Variants in OSMR observed in about 807,000 individuals in gnomAD.
OSMR encodes the protein oncostatin-M-specific receptor subunit beta.
OSMR carries 81 observed loss-of-function variants against 99.9 expected under a neutral mutation model. That is an observed-to-expected ratio of 0.81 (90% confidence interval 0.68 to 0.97). The LOEUF (loss-of-function observed/expected upper bound fraction) is 0.97. Ranked by LOEUF, OSMR falls within the 50% of genes least tolerant of loss-of-function variation. The pLI is 0.00. For synonymous variants in OSMR, 406 were observed against 410.4 expected (o/e 0.99, Z 0.13); for missense variants, 1,099 against 1,153.4 (o/e 0.95, Z 0.68).
At chr5:38,926,606 TGC>T (rs1746487376) in intron 15 of OSMR, among the ~76,000 whole-genome samples, 1 of 152,204 alleles carries the variant, frequency 6.6e-6, no homozygotes, top group Non-Finnish European at 1.5e-5. Context: ...TGGGGGTAAC[TGC>T]CACCATGATT....
intron 7 of OSMR, among the ~76,000 whole-genome samples, chr5:38,892,950 T>C (rs1744254475): frequency 6.6e-6 from 1 of 152,158 alleles, no homozygotes. Context: ...GTGCTCACCA[T>C]TGGGGTATTT....
chr5:38,928,781 C>G (rs926440723), intron 15 of OSMR, among the ~76,000 whole-genome samples: 1 of 152,152 alleles, frequency 6.6e-6, no homozygotes, highest in African/African-American at 2.4e-5. Flanking sequence ...TCCAGAACCC[C>G]TTATCTGATT....
intron 2 of OSMR, among the ~76,000 whole-genome samples, chr5:38,874,619 C>G (rs1742659091): frequency 6.6e-6 from 1 of 152,148 alleles, no homozygotes; most frequent in African/African-American, 2.4e-5. Context: ...CACCTGTGTC[C>G]TGACCATGGT....
chr5:38,898,449 A>G (rs1295972575), intron 7 of OSMR, among the ~76,000 whole-genome samples: 2 of 152,198 alleles, frequency 1.3e-5, no homozygotes, highest in Non-Finnish European at 2.9e-5. Context: ...TTGTCATAGA[A>G]TATCTTTCCA....
At chr5:38,917,515 G>T in intron 9 of OSMR, 31 bp from the exon 10 acceptor site, 1 of 1,609,960 alleles carries the variant, frequency 6.2e-7, no homozygotes, top group South Asian at 1.1e-5. Context: ...TACATATTGT[G>T]ACTCAAGAAC....
At chr5:38,871,942 T>A (rs1013633805) in intron 2 of OSMR, among the ~76,000 whole-genome samples, 1 of 151,994 alleles carries the variant, frequency 6.6e-6, no homozygotes, top group Non-Finnish European at 1.5e-5. Flanking sequence ...GTGGGGAAAG[T>A]GGGAGGAGAG....
intron 1 of OSMR, among the ~76,000 whole-genome samples, chr5:38,943,402 C>T (rs1470046176): frequency 6.6e-6 from 1 of 152,160 alleles, no homozygotes; most frequent in African/African-American, 2.4e-5. Context: ...TCAGAATCAG[C>T]TGTGAGTTGG....
At chr5:38,943,077 T>C in intron 1 of OSMR, 2 of 698,762 alleles carry the variant, frequency 2.9e-6, no homozygotes, top group Non-Finnish European at 2.4e-6. Flanking sequence ...AGATATGGAT[T>C]AGATGGCATA....
chr5:38,855,244 C>G (rs13175504), intron 1 of OSMR, among the ~76,000 whole-genome samples: 34,226 of 152,046 alleles, frequency 0.23, 4,089 homozygotes, highest in Admixed American at 0.28. Context: ...GACCTCCTAG[C>G]TTTTCTGTCT....
rs766538045 is a variant in OSMR at position 38,932,972 on chromosome 5, C to T, written c.2468C>T (p.Thr823Ile). Residue 823 changes from threonine to isoleucine, a missense_variant, in exon 18 of 18, where the codon ACT becomes ATT. Transcript: ENST00000274276. ...GGGACAAAGATACAGTTCCTAGGCACTAGGAAGTCACTCACAGAAACCGAG... is the reference window on the plus strand; with the variant it reads ...GGGACAAAGATACAGTTCCTAGGCATTAGGAAGTCACTCACAGAAACCGAG... Reference protein sequence around the residue: ...PEGTKIQFLGTRKSLTETELT... With the variant: ...PEGTKIQFLGIRKSLTETELT... 4 of 1,614,058 alleles carry T rather than the reference C, an allele frequency of 2.5e-6. No homozygotes were observed. The African/African-American group carries it at 4.0e-5, about 16-fold the overall frequency.
At position 38,921,762 on chromosome 5, in the gene OSMR, G is replaced by A. The variant is rs144394280; in HGVS notation, c.1733G>A (p.Gly578Asp). 41,057 of 1,613,908 alleles carry A rather than the reference G, an allele frequency of 0.025. 639 individuals carry two copies. Among genetic ancestry groups the A allele is most frequent in the Non-Finnish European group, 0.03 (35,257 of 1,179,850 alleles). The change falls in exon 12 of 18, where the codon GGT becomes GAT. Residue 578 changes from glycine to aspartate, a missense_variant. Transcript: ENST00000274276. ...GGTGATTTCCAGTGGAAGAATGTAG[G>A]TCCCAATACCACAAGCACAGTCATT... ...VLGDFQWKNV[G>D]PNTTSTVIST...
At chr5:38,846,974 A>G (rs550082637) in intron 1 of OSMR, among the ~76,000 whole-genome samples, 1 of 152,270 alleles carries the variant, frequency 6.6e-6, no homozygotes, top group African/African-American at 2.4e-5. Flanking sequence ...GCATCCGTCC[A>G]TCCATCCTGC....
In OSMR at chr5:38,933,483, T is replaced by C; in HGVS notation, c.*39T>C. On this transcript the variant is annotated 3_prime_UTR_variant, in exon 18 of 18. Coordinates refer to ENST00000274276, the MANE Select transcript of OSMR (RefSeq NM_003999.3). ...TTCATACCTTATGCTACACAGACAT[T>C]AAGAAGAGCAGAGCTGGCACCCTGT... 6.2e-7 allele frequency: 1 copy of C among 1,611,608 alleles called. No homozygotes were observed. The highest frequency in any genetic ancestry group is 1.1e-5 in the South Asian group (1 of 90,998).
chr5:38,894,551 A>T (rs954833244), intron 7 of OSMR, among the ~76,000 whole-genome samples: 1 of 151,056 alleles, frequency 6.6e-6, no homozygotes, highest in African/African-American at 2.4e-5. Context: ...ATATTCTTAT[A>T]TCAGGTAAAA....
In OSMR at chr5:38,932,895, G is replaced by T; in HGVS notation, c.2391G>T (p.Met797Ile). The T allele has an allele frequency of 6.2e-7, 1 of 1,613,848 alleles. No individual in the cohort carries two copies. Among genetic ancestry groups the T allele is most frequent in the South Asian group, 1.1e-5 (1 of 91,058 alleles). Residue 797 changes from methionine to isoleucine, a missense_variant, in exon 18 of 18, where the codon ATG (methionine) becomes ATT (isoleucine). Met to Ile is a conservative substitution (Grantham distance 10). Coordinates refer to ENST00000274276, the MANE Select transcript of OSMR (RefSeq NM_003999.3). Reference sequence around the variant, plus strand: ...AGGAGAACCCTCACCTAATAATAATGAATGTCAGTGACTGTATCCCAGATG... The same window carrying T: ...AGGAGAACCCTCACCTAATAATAATTAATGTCAGTGACTGTATCCCAGATG... The part of the protein sequence containing the change: ...KFKENPHLII[M>I]NVSDCIPDAI...
intron 15 of OSMR, among the ~76,000 whole-genome samples, chr5:38,926,532 G>C (rs1746482637): frequency 6.6e-6 from 1 of 152,144 alleles, no homozygotes. Flanking sequence ...CTGAGCAAAG[G>C]GGAAAAGCCA....
At chr5:38,863,844 G>A (rs1741711697) in intron 1 of OSMR, among the ~76,000 whole-genome samples, 1 of 152,092 alleles carries the variant, frequency 6.6e-6, no homozygotes, top group Non-Finnish European at 1.5e-5. Flanking sequence ...GGATACTCTG[G>A]TGTTGGGTTC....
chr5:38,856,895 G>A (rs1259300351), intron 1 of OSMR, among the ~76,000 whole-genome samples: 1 of 152,146 alleles, frequency 6.6e-6, no homozygotes, highest in Non-Finnish European at 1.5e-5. Flanking sequence ...TCCAGCCTCG[G>A]CCTCCCAAAA....
chr5:38,860,392 C>T (rs1741191823), intron 1 of OSMR, among the ~76,000 whole-genome samples: 1 of 152,144 alleles, frequency 6.6e-6, no homozygotes, highest in African/African-American at 2.4e-5. Flanking sequence ...TAGGTTGAAC[C>T]ATCCCTGCAT....
Sources: gnomAD v4.1 joint callset for allele counts (sites outside exome capture counted in the v4.1 genomes callset) on GRCh38, gnomAD v4.1.1 for gene constraint, MANE v1.5 for transcripts, NCBI Gene and HGNC (gene_info 2026-07-23, HGNC 2026-07-21) for gene names.